EP300: variants seen among roughly 807,000 people sequenced by gnomAD.
EP300 encodes the protein histone acetyltransferase p300.
Under a neutral mutation model 264.0 loss-of-function variants are expected in EP300, and 31 were observed. That is an observed-to-expected ratio of 0.12 (90% CI 0.09 to 0.16). The LOEUF (loss-of-function observed/expected upper bound fraction) is 0.16, where lower values mean the gene tolerates loss of function less well. Among genes scored for constraint, EP300 ranks in the 10% least tolerant of loss-of-function variants. EP300 has a pLI of 1.00. For missense variants in EP300, 2,766 were observed against 3,052.9 expected (o/e 0.91, Z 2.21); for synonymous variants, 1,340 against 1,045.4 (o/e 1.28, Z -5.44).
At chr22:41,128,673 G>A (rs5758241) in intron 4 of EP300, among the ~76,000 whole-genome samples, 6,227 of 151,894 alleles carry the variant, frequency 0.041, 424 homozygotes, top group East Asian at 0.21. Flanking sequence ...CACCATGCCC[G>A]GCTAATTTTT....
chr22:41,164,182 TAAC>T lies in EP300; in HGVS notation c.3806+55_3806+57del, dbSNP rs764968949. On this transcript the variant is annotated intron_variant, in intron 22 of 30. Transcript: ENST00000263253. ...TGGAATTTTTCTTTATCGTGAATATTAACAAGTTTTTTATTCTATGCAATTGAC... is the reference window on the plus strand; with the variant it reads ...TGGAATTTTTCTTTATCGTGAATATTAAGTTTTTTATTCTATGCAATTGAC... 12 of 1,511,472 alleles carry T rather than the reference TAAC, an allele frequency of 7.9e-6. No individual in the cohort carries two copies. In the East Asian group the frequency reaches 9.0e-5, roughly 11 times the overall value. The allele number at this position is 1,511,472 out of a possible 1,614,324, so 93.6% of individuals were successfully genotyped here. A position where few individuals can be genotyped will look rare whatever the true frequency, so the allele number is the denominator to read the frequency against.
chr22:41,152,527 T>C (rs2059052713), intron 16 of EP300, among the ~76,000 whole-genome samples, 177 bp downstream of exon 16: 1 of 151,990 alleles, frequency 6.6e-6, no homozygotes. Context: ...TTTTTTTTTT[T>C]TTAATATTCA....
intron 1 of EP300, among the ~76,000 whole-genome samples, chr22:41,100,681 A>C (rs2058726981): frequency 6.6e-6 from 1 of 152,182 alleles, no homozygotes; most frequent in South Asian, 2.1e-4. Flanking sequence ...ATTGTAAATA[A>C]TCCAGAAAGA....
chr22:41,119,667 G>A (rs896965615), intron 2 of EP300, among the ~76,000 whole-genome samples: 12 of 151,894 alleles, frequency 7.9e-5, no homozygotes, highest in Admixed American at 5.9e-4. Flanking sequence ...TGGGGGTGTG[G>A]GACTATTATG....
In EP300 at chr22:41,178,514, A is replaced by G; in HGVS notation, c.6803A>G (p.Gln2268Arg). The G allele has an allele frequency of 1.2e-6, 2 of 1,614,122 alleles. No individual in the cohort carries two copies. The highest frequency in any genetic ancestry group is 1.1e-5 in the South Asian group (1 of 91,080). ...TATCAGCAGCGACTCCTTCAGCAAC[A>G]GATGGGGTCCCCTGTTCAGCCCAAC... Reference protein sequence around the residue: ...QAYQQRLLQQQMGSPVQPNPM... With the variant: ...QAYQQRLLQQRMGSPVQPNPM... Residue 2268 changes from glutamine (Q) to arginine (R), a missense_variant, in exon 31 of 31, where the codon CAG becomes CGG. Coordinates refer to ENST00000263253, the MANE Select transcript of EP300 (RefSeq NM_001429.4).
intron 23 of EP300, among the ~76,000 whole-genome samples, chr22:41,167,321 G>GCTAC (rs1394122419): frequency 6.6e-6 from 1 of 151,990 alleles, no homozygotes; most frequent in Non-Finnish European, 1.5e-5. Context: ...ATTTATATGG[G>GCTAC]CTACCTTTTG....
chr22:41,168,887 G>A lies in EP300; in HGVS notation c.4172+20G>A, dbSNP rs2059154891. The A allele has an allele frequency of 1.2e-6, 2 of 1,614,106 alleles. No homozygotes were observed. The highest frequency in any genetic ancestry group is 1.7e-6 in the Non-Finnish European group (2 of 1,179,960). On this transcript the variant is annotated intron_variant, in intron 25 of 30. Coordinates refer to ENST00000263253, the MANE Select transcript of EP300 (RefSeq NM_001429.4). ...CCAGAGGTATGACTAGCTCACAGTG[G>A]CTAGCTCCGGATTTGTGTGGGAGTT...
chr22:41,168,963 G>T, intron 25 of EP300, 96 bp downstream of exon 25: 1 of 1,566,364 alleles, frequency 6.4e-7, no homozygotes, highest in Non-Finnish European at 8.8e-7. Flanking sequence ...TGTTTAGTGT[G>T]TTTGGTTTGG....
At chr22:41,100,858 A>G (rs2058727833) in intron 1 of EP300, among the ~76,000 whole-genome samples, 2 of 152,094 alleles carry the variant, frequency 1.3e-5, no homozygotes, top group South Asian at 4.1e-4. Context: ...ATATAGTATC[A>G]TGACATCTTG....
intron 4 of EP300, 60 bp from the exon 5 acceptor site, chr22:41,129,830 G>T: frequency 1.6e-6 from 2 of 1,287,840 alleles, no homozygotes; most frequent in Non-Finnish European, 2.2e-6. Context: ...CAACAAGTTA[G>T]CTATTATTAA....
chr22:41,134,268 A>G (rs2058937418), intron 6 of EP300, among the ~76,000 whole-genome samples: 1 of 150,494 alleles, frequency 6.6e-6, no homozygotes, highest in African/African-American at 2.4e-5. Flanking sequence ...GTTTTCTTAG[A>G]TAAATTATGG....
At position 41,160,684 on chromosome 22, in the gene EP300, G is replaced by C. The variant is rs748106711; in HGVS notation, c.3633G>C (p.Glu1211Asp). The C allele has an allele frequency of 6.2e-7, 1 of 1,614,104 alleles. No individual in the cohort carries two copies. Among genetic ancestry groups the C allele is most frequent in the Non-Finnish European group, 8.5e-7 (1 of 1,179,994 alleles). Residue 1211 changes from glutamate to aspartate, a missense_variant, in exon 20 of 31, where the codon GAG becomes GAC. Glu to Asp is a conservative substitution (Grantham distance 45). Coordinates refer to ENST00000263253, the MANE Select transcript of EP300 (RefSeq NM_001429.4). ...AGTGTTTCAATGAGATCCAAGGGGAGAGCGTTTCTTTGGGGGATGACCCTT... is the reference window on the plus strand; with the variant it reads ...AGTGTTTCAATGAGATCCAAGGGGACAGCGTTTCTTTGGGGGATGACCCTT... ...CEKCFNEIQG[E>D]SVSLGDDPSQ...
At chr22:41,098,148 C>G (rs2058712190) in intron 1 of EP300, among the ~76,000 whole-genome samples, 1 of 152,120 alleles carries the variant, frequency 6.6e-6, no homozygotes, top group African/African-American at 2.4e-5. Flanking sequence ...ATCCCTCTCC[C>G]CTCCCTGCTA....
chr22:41,134,177 T>TC (rs1396789607), intron 6 of EP300, among the ~76,000 whole-genome samples: 1 of 151,158 alleles, frequency 6.6e-6, no homozygotes, highest in Non-Finnish European at 1.5e-5. Context: ...TTTTTTTTTT[T>TC]TTTTCTGATT....
chr22:41,131,008 G>A (rs2058915876), intron 5 of EP300, among the ~76,000 whole-genome samples: 1 of 152,106 alleles, frequency 6.6e-6, no homozygotes, highest in East Asian at 1.9e-4. Context: ...GGAGAGAGGG[G>A]AACTCCCAAT....
chr22:41,179,447 T>TATATATATAA lies in EP300; in HGVS notation c.*510_*519dup, dbSNP rs745323176. 5 of 165,832 alleles carry TATATATATAA rather than the reference T, an allele frequency of 3.0e-5. No individual in the cohort carries two copies. Among genetic ancestry groups the TATATATATAA allele is most frequent in the African/African-American group, 1.2e-4 (5 of 41,244 alleles). The allele number at this position is 165,832 out of a possible 1,614,324, so 10.3% of individuals were successfully genotyped here. A position where few individuals can be genotyped will look rare whatever the true frequency, so the allele number is the denominator to read the frequency against. On this transcript the variant is annotated 3_prime_UTR_variant, in exon 31 of 31. Coordinates refer to ENST00000263253, the MANE Select transcript of EP300 (RefSeq NM_001429.4). ...AATGTTACTTTAAAATTACATTCTA[T>TATATATATAA]ATATATATAAATATATATAAATATA...
At chr22:41,147,191 A>G (rs1308062894) in intron 11 of EP300, among the ~76,000 whole-genome samples, 3 of 151,784 alleles carry the variant, frequency 2.0e-5, no homozygotes, top group South Asian at 2.1e-4. Flanking sequence ...CTGTAATCCC[A>G]TTTACTCTGG....
At chr22:41,109,539 C>T (rs2058777062) in intron 1 of EP300, among the ~76,000 whole-genome samples, 1 of 152,152 alleles carries the variant, frequency 6.6e-6, no homozygotes, top group Non-Finnish European at 1.5e-5. Context: ...GCTGGGCTAT[C>T]TCCTAATAGT....
intron 14 of EP300, 122 bp downstream of exon 14, chr22:41,150,320 A>G: frequency 4.1e-6 from 5 of 1,233,940 alleles, no homozygotes; most frequent in Non-Finnish European, 4.6e-6. Flanking sequence ...AGTAGAATGT[A>G]ATCTATTTTT....
Sources: gnomAD v4.1 joint callset for allele counts (sites outside exome capture counted in the v4.1 genomes callset) on GRCh38, gnomAD v4.1.1 for gene constraint, MANE v1.5 for transcripts, NCBI Gene and HGNC (gene_info 2026-07-23, HGNC 2026-07-21) for gene names.